The following STX18 variants were observed in gnomAD, a reference collection of about 807,000 sequenced individuals.
The protein encoded by STX18 is syntaxin-18.
STX18 carries 40 observed loss-of-function variants against 50.1 expected under a neutral mutation model. The ratio of observed to expected loss-of-function variants is 0.80; its 90% confidence interval spans 0.62 to 1.04. The LOEUF is 1.04. Ranked by LOEUF, STX18 falls within the 50% of genes least tolerant of loss-of-function variation. The probability of loss-of-function intolerance (pLI) is 0.00; values close to 1 mark genes in which losing one functional copy is unlikely to be tolerated. For synonymous variants in STX18, 158 were observed against 151.8 expected, an observed-to-expected ratio of 1.04 and a Z score of -0.30; for missense variants, 410 against 415.8, an observed-to-expected ratio of 0.99 and a Z score of 0.12.
rs149646243 is a variant in STX18, at chr4:4,515,345, C to A, written c.168+26452G>T. ...AATGGAAAAAAAGAACTTTGACTAC[C>A]ACATAAGCAGTTCTAAAAATTGTGG... On this transcript the variant is annotated intron_variant, in intron 1 of 10. Coordinates refer to ENST00000306200, the MANE Select transcript of STX18 (RefSeq NM_016930.4). 3.9e-5 allele frequency among the ~76,000 whole-genome samples: 6 copies of A among 152,048 alleles called. No individual in the cohort carries two copies. The East Asian group carries it at 9.7e-4, about 24-fold the overall frequency.
At chr4:4,461,990 G>A (rs1727405019) in intron 2 of STX18, 1 of 456,274 alleles carries the variant, frequency 2.2e-6, no homozygotes, top group Middle Eastern at 3.3e-4. Flanking sequence ...TCCAGGGGCT[G>A]CGGCTGCGCA....
chr4:4,485,836 G>C (rs891438054), intron 1 of STX18, among the ~76,000 whole-genome samples: 2 of 152,128 alleles, frequency 1.3e-5, no homozygotes, highest in African/African-American at 4.8e-5. Context: ...CTTTTCTCCT[G>C]CTCCCAAAGC....
Position 4,495,182 on chromosome 4 carries a change from G to A in STX18, c.169-23476C>T, listed in dbSNP as rs567411361. 4.6e-4 allele frequency among the ~76,000 whole-genome samples: 70 copies of A among 152,274 alleles called. 1 individual carries two copies. Among genetic ancestry groups the A allele is most frequent in the African/African-American group, 1.6e-3 (66 of 41,550 alleles). ...TCACTTGTAAAATAGGAAAGATATA[G>A]TACATGCCTCAGAGTGTGTGTGAGG... On this transcript the variant is annotated intron_variant, in intron 1 of 10. Coordinates refer to ENST00000306200, the MANE Select transcript of STX18 (RefSeq NM_016930.4).
intron 2 of STX18, among the ~76,000 whole-genome samples, chr4:4,460,663 G>T (rs1404741402): frequency 6.6e-6 from 1 of 152,086 alleles, no homozygotes; most frequent in Admixed American, 6.5e-5. Flanking sequence ...AGCCTCCTAG[G>T]GAATAGATGA....
intron 5 of STX18, among the ~76,000 whole-genome samples, chr4:4,448,483 A>G (rs974201471): frequency 6.6e-6 from 1 of 152,018 alleles, no homozygotes. Context: ...CTGGAATTAC[A>G]GGAGTGCACC....
At chr4:4,511,815 A>G (rs1236231667) in intron 1 of STX18, among the ~76,000 whole-genome samples, 3 of 151,432 alleles carry the variant, frequency 2.0e-5, no homozygotes, top group South Asian at 2.1e-4. Flanking sequence ...CTAGCTTTCC[A>G]AAACAGAAGG....
chr4:4,454,589 G>A (rs1170581054), intron 5 of STX18, among the ~76,000 whole-genome samples: 1 of 152,150 alleles, frequency 6.6e-6, no homozygotes, highest in African/African-American at 2.4e-5. Context: ...GTAATGTCTT[G>A]GAGCTAACTG....
rs73201739 is a variant in STX18 at position 4,513,868 on chromosome 4, C to T, written c.168+27929G>A. On this transcript the variant is annotated intron_variant, in intron 1 of 10. Coordinates refer to ENST00000306200, the MANE Select transcript of STX18 (RefSeq NM_016930.4). ...TTTTTTTCTTAAAAAGACTGATGTT[C>T]CATCACTGCTTTTATAAATGATGTG... Among the ~76,000 whole-genome samples, 456 of 152,260 alleles carry T rather than the reference C, an allele frequency of 3.0e-3. 1 individual carries two copies. The highest frequency in any genetic ancestry group is 5.4e-3 in the Non-Finnish European group (365 of 68,010).
chr4:4,541,719 G>T, intron 1 of STX18, 78 bp downstream of exon 1: 1 of 1,504,990 alleles, frequency 6.6e-7, no homozygotes, highest in Non-Finnish European at 9.0e-7. Context: ...TACGGGACGG[G>T]GTCTGGTTTG....
chr4:4,511,518 T>C (rs1472778446), intron 1 of STX18, among the ~76,000 whole-genome samples: 1 of 152,202 alleles, frequency 6.6e-6, no homozygotes, highest in Non-Finnish European at 1.5e-5. Flanking sequence ...AGCCTTTGCT[T>C]CAATAGTTTG....
chr4:4,500,292 C>A (rs910005957), intron 1 of STX18, among the ~76,000 whole-genome samples: 4 of 152,136 alleles, frequency 2.6e-5, no homozygotes, highest in African/African-American at 4.8e-5. Flanking sequence ...TCCATGGGTT[C>A]CACACCCACA....
Position 4,485,030 on chromosome 4 carries a change from T to A in STX18, c.169-13324A>T, listed in dbSNP as rs1383083117. Among the ~76,000 whole-genome samples the A allele has an allele frequency of 2.0e-5, 3 of 152,240 alleles. No homozygotes were observed. The East Asian group carries it at 5.8e-4, about 29-fold the overall frequency. ...CAAACCCCATCTGGTCTGGAGGCTG[T>A]GTGTGGAGAGTGTGCATGCATGCTG... On this transcript the variant is annotated intron_variant, in intron 1 of 10. Transcript: ENST00000306200.
chr4:4,541,840 C>G lies in STX18; in HGVS notation c.125G>C (p.Ser42Thr). 1.2e-6 allele frequency: 2 copies of G among 1,611,362 alleles called. No homozygotes were observed. The highest frequency in any genetic ancestry group is 1.7e-6 in the Non-Finnish European group (2 of 1,179,198). ...GGAGAAGTCGCCCTTGGGCCGGGGG[C>G]TCCGGCGGAACAGCTCGTCCCGGCT... ...DGSRDELFRR[S>T]PRPKGDFSSR... The change falls in exon 1 of 11, where the codon AGC (serine) becomes ACC (threonine). Residue 42 changes from serine to threonine, a missense_variant. Transcript: ENST00000306200.
chr4:4,501,046 AT>A (rs1426537845), intron 1 of STX18, among the ~76,000 whole-genome samples: 4 of 152,252 alleles, frequency 2.6e-5, no homozygotes, highest in Non-Finnish European at 5.9e-5. Flanking sequence ...ATCAAAAAAA[AT>A]AAAGTAAAAT....
intron 2 of STX18, among the ~76,000 whole-genome samples, chr4:4,464,050 T>C (rs1397810371): frequency 6.6e-6 from 1 of 152,236 alleles, no homozygotes; most frequent in Non-Finnish European, 1.5e-5. Flanking sequence ...GCAGGATTTA[T>C]TTTATATTCT....
intron 5 of STX18, among the ~76,000 whole-genome samples, chr4:4,452,191 A>C (rs1230062764): frequency 2.0e-5 from 3 of 152,204 alleles, no homozygotes; most frequent in African/African-American, 7.2e-5. Flanking sequence ...GGAAGCTGCA[A>C]AAGAAAAGTT....
intron 1 of STX18, among the ~76,000 whole-genome samples, chr4:4,500,142 T>C (rs1729369345): frequency 6.6e-6 from 1 of 152,226 alleles, no homozygotes. Flanking sequence ...TTTCTGCTTA[T>C]AGTGGAGAGT....
chr4:4,440,115 T>C (rs1232912630), intron 5 of STX18, among the ~76,000 whole-genome samples: 1 of 152,216 alleles, frequency 6.6e-6, no homozygotes, highest in African/African-American at 2.4e-5. Flanking sequence ...GGCTTTGTAA[T>C]AGCTTTACTA....
At chr4:4,534,432 C>T (rs1423918416) in intron 1 of STX18, among the ~76,000 whole-genome samples, 1 of 152,226 alleles carries the variant, frequency 6.6e-6, no homozygotes, top group Non-Finnish European at 1.5e-5. Context: ...CTTTCTATTT[C>T]CACTAATTAG....
Sources: allele counts gnomAD v4.1 joint callset (sites outside exome capture counted in the v4.1 genomes callset), GRCh38; gene constraint gnomAD v4.1.1; transcripts MANE v1.5; gene names NCBI Gene and HGNC (gene_info 2026-07-23, HGNC 2026-07-21).